The following MARCHF1 variants were observed in gnomAD, a reference collection of about 807,000 sequenced individuals.
MARCHF1 encodes membrane associated ring-CH-type finger 1, also known as E3 ubiquitin-protein ligase MARCHF1.
MARCHF1 carries 40 observed loss-of-function variants against 54.2 expected under a neutral mutation model. The observed-to-expected ratio is 0.74, with a 90% CI of 0.57 to 0.96. The LOEUF is 0.96. Among genes scored for constraint, MARCHF1 ranks in the 40% least tolerant of loss-of-function variants. The pLI is 0.00. For missense variants in MARCHF1, 586 were observed against 656.5 expected, an observed-to-expected ratio of 0.89 and a Z score of 1.17; for synonymous variants, 236 against 236.3, an observed-to-expected ratio of 1.00 and a Z score of 0.01.
At chr4:164,158,882 T>C (rs563216209) in intron 1 of MARCHF1, among the ~76,000 whole-genome samples, 8 of 152,320 alleles carry the variant, frequency 5.3e-5, no homozygotes, top group African/African-American at 1.7e-4. Context: ...ATCTTCAGCA[T>C]GAACATGTCT....
intron 1 of MARCHF1, among the ~76,000 whole-genome samples, chr4:164,112,493 A>AT (rs1187878193): frequency 6.6e-6 from 1 of 151,872 alleles, no homozygotes; most frequent in African/African-American, 2.4e-5. Context: ...ATTATTGATC[A>AT]TTTTTTCAAA....
intron 2 of MARCHF1, among the ~76,000 whole-genome samples, chr4:164,103,842 G>A (rs1755628278): frequency 7.3e-6 from 1 of 136,986 alleles, no homozygotes; most frequent in Non-Finnish European, 1.5e-5. Flanking sequence ...TTTTTTGAAA[G>A]GATCAACAAA....
intron 4 of MARCHF1, among the ~76,000 whole-genome samples, chr4:163,735,669 C>A (rs1331031594): frequency 6.6e-6 from 1 of 152,168 alleles, no homozygotes; most frequent in East Asian, 1.9e-4. Context: ...CTCTTATAGA[C>A]CGCACCCCTT....
intron 1 of MARCHF1, among the ~76,000 whole-genome samples, chr4:164,241,132 A>G (rs1256650881): frequency 6.6e-6 from 1 of 152,086 alleles, no homozygotes; most frequent in Non-Finnish European, 1.5e-5. Flanking sequence ...GTACCAAGGA[A>G]CTGACTCAAC....
At chr4:164,015,901 A>C (rs6854005) in intron 2 of MARCHF1, among the ~76,000 whole-genome samples, 81,238 of 127,950 alleles carry the variant, frequency 0.63, 23,012 homozygotes, top group East Asian at 0.82. Flanking sequence ...AAGTTTCCCC[A>C]AAAAAAAAAA....
intron 2 of MARCHF1, among the ~76,000 whole-genome samples, chr4:164,094,614 AAT>A (rs1405157913): frequency 6.6e-6 from 1 of 152,188 alleles, no homozygotes; most frequent in African/African-American, 2.4e-5. Context: ...AGAGTTATCT[AAT>A]ATGATTGTAA....
At chr4:164,360,306 G>A (rs985293929) in intron 1 of MARCHF1, among the ~76,000 whole-genome samples, 6 of 152,052 alleles carry the variant, frequency 3.9e-5, no homozygotes, top group African/African-American at 1.4e-4. Context: ...TGGTCTCTTA[G>A]GCATCTGACT....
chr4:164,034,108 TAG>T (rs1553971758), intron 2 of MARCHF1, among the ~76,000 whole-genome samples: 1 of 139,040 alleles, frequency 7.2e-6, no homozygotes, highest in African/African-American at 2.7e-5. Context: ...GATAGATAGA[TAG>T]ATAGATAGAG....
In MARCHF1 at chr4:164,335,266, A is replaced by C. The variant is rs115430717; in HGVS notation, c.-323+48604T>G. Among the ~76,000 whole-genome samples, 1,500 of 152,310 alleles carry C rather than the reference A, an allele frequency of 9.8e-3. 10 individuals are homozygous for C. Among genetic ancestry groups the C allele is most frequent in the Non-Finnish European group, 0.016 (1,084 of 68,020 alleles). ...CTTTCACAAAAGGAAGAGTCAATTT[A>C]TGAGAAAAAAATTCATTGTCGTATT... On this transcript the variant is annotated intron_variant, in intron 1 of 9. Coordinates refer to ENST00000514618, the MANE Select transcript of MARCHF1 (RefSeq NM_001394959.1).
At chr4:163,658,722 T>C (rs553753084) in intron 5 of MARCHF1, among the ~76,000 whole-genome samples, 1 of 152,138 alleles carries the variant, frequency 6.6e-6, no homozygotes, top group Admixed American at 6.5e-5. Flanking sequence ...TTCTCACTTC[T>C]AAGTGGGTGC....
At chr4:164,305,602 AAAAAT>A (rs1385757507) in intron 1 of MARCHF1, among the ~76,000 whole-genome samples, 2 of 152,208 alleles carry the variant, frequency 1.3e-5, no homozygotes, top group Non-Finnish European at 2.9e-5. Flanking sequence ...TTTTTTAAGA[AAAAAT>A]AAAATATTTA....
chr4:164,195,178 T>C (rs1731221968), intron 1 of MARCHF1, among the ~76,000 whole-genome samples: 1 of 152,160 alleles, frequency 6.6e-6, no homozygotes, highest in African/African-American at 2.4e-5. Context: ...TTTGAGGTCA[T>C]GATTTATTCT....
At chr4:163,715,801 T>A (rs1468850624) in intron 4 of MARCHF1, among the ~76,000 whole-genome samples, 8 of 152,140 alleles carry the variant, frequency 5.3e-5, no homozygotes, top group Non-Finnish European at 1.2e-4. Context: ...CTCAAAAACA[T>A]AAAGGCATTA....
chr4:163,693,902 C>T (rs1744539486), intron 5 of MARCHF1, among the ~76,000 whole-genome samples: 1 of 152,150 alleles, frequency 6.6e-6, no homozygotes, highest in African/African-American at 2.4e-5. Context: ...CGTTTACCCA[C>T]ACCCAGGTTT....
At position 163,973,115 on chromosome 4, in the gene MARCHF1, C is replaced by T. The variant is rs114145204; in HGVS notation, c.-39+15386G>A. Among the ~76,000 whole-genome samples, 1,522 of 152,320 alleles carry T rather than the reference C, an allele frequency of 1.0e-2. 22 individuals carry two copies. Among genetic ancestry groups the T allele is most frequent in the African/African-American group, 0.031 (1,307 of 41,564 alleles). On this transcript the variant is annotated intron_variant, in intron 3 of 9. Transcript: ENST00000514618. ...CTTCTTCAAAGACTATCAGAACCAG[C>T]TGTACAAATTTACCAAGTATAAAGT...
intron 1 of MARCHF1, among the ~76,000 whole-genome samples, chr4:164,237,648 TCA>T (rs1355712452): frequency 6.6e-6 from 1 of 152,080 alleles, no homozygotes; most frequent in Non-Finnish European, 1.5e-5. Flanking sequence ...TTTATTCTAT[TCA>T]GTTTCTTTTT....
chr4:163,555,482 T>C lies in MARCHF1; in HGVS notation c.1192-9739A>G, dbSNP rs533018878. 2.2e-4 allele frequency among the ~76,000 whole-genome samples: 33 copies of C among 152,258 alleles called. No homozygotes were observed. The South Asian group carries it at 2.9e-3, about 13-fold the overall frequency. ...GTAAGAACACAAATTACTTGAAAGT[T>C]TAATTAATAGATGCATTTAAACAAA... On this transcript the variant is annotated intron_variant, in intron 8 of 9. Transcript: ENST00000514618.
chr4:164,167,442 A>G (rs967165137), intron 1 of MARCHF1, among the ~76,000 whole-genome samples: 1 of 151,950 alleles, frequency 6.6e-6, no homozygotes, highest in Admixed American at 6.6e-5. Flanking sequence ...CCTAAAATTC[A>G]TATGAAACCA....
intron 5 of MARCHF1, among the ~76,000 whole-genome samples, chr4:163,663,680 C>T (rs936200656): frequency 2.6e-5 from 4 of 151,986 alleles, no homozygotes; most frequent in African/African-American, 7.2e-5. Context: ...TCTCCTGGCG[C>T]GGTGCTCTCT....
Sources: gnomAD v4.1 joint callset for allele counts (sites outside exome capture counted in the v4.1 genomes callset) on GRCh38, gnomAD v4.1.1 for gene constraint, MANE v1.5 for transcripts, NCBI Gene and HGNC (gene_info 2026-07-23, HGNC 2026-07-21) for gene names.